The following SIN3A variants were observed in gnomAD, a reference collection of about 807,000 sequenced individuals.
SIN3A encodes SIN3 transcription regulator family member A, also known as paired amphipathic helix protein Sin3a.
A neutral mutation model predicts 146.1 loss-of-function variants in SIN3A; 14 were observed. The ratio of observed to expected loss-of-function variants is 0.10; its 90% CI spans 0.06 to 0.15. The LOEUF (loss-of-function observed/expected upper bound fraction) is 0.15. SIN3A is among the 10% of genes least tolerant of loss of function. The pLI is 1.00. For synonymous variants in SIN3A, 572 were observed against 572.0 expected (o/e 1.00, Z 0.00); for missense variants, 1,028 against 1,576.0 (o/e 0.65, Z 5.89).
intron 1 of SIN3A, among the ~76,000 whole-genome samples, chr15:75,442,175 A>C (rs1595929546): frequency 7.4e-6 from 1 of 135,680 alleles, no homozygotes; most frequent in Non-Finnish European, 1.6e-5. Context: ...TTTCATTTTT[A>C]CATAATTTTT....
chr15:75,398,722 C>T (rs907275221), intron 12 of SIN3A, among the ~76,000 whole-genome samples: 14 of 151,740 alleles, frequency 9.2e-5, no homozygotes, highest in Admixed American at 6.6e-5. Flanking sequence ...CAAAAGGAGC[C>T]AATCAGGCCA....
chr15:75,418,883 T>G (rs1227338562), intron 3 of SIN3A, among the ~76,000 whole-genome samples: 25 of 152,116 alleles, frequency 1.6e-4, no homozygotes, highest in Admixed American at 1.6e-3. Flanking sequence ...GCCTCCCAAG[T>G]AGCTGGGACT....
chr15:75,439,486 G>A lies in SIN3A; in HGVS notation c.-33-9078C>T, dbSNP rs1254724083. ...CTCCCAAGTAACTGGGACTACAGGC[G>A]CCTGCCACCACGCCTGGCTAATTTT... On this transcript the variant is annotated intron_variant, in intron 1 of 20. Transcript: ENST00000394947. 2.0e-5 allele frequency among the ~76,000 whole-genome samples: 3 copies of A among 151,822 alleles called. No homozygotes were observed. The East Asian group carries it at 5.8e-4, about 30-fold the overall frequency.
At chr15:75,430,557 G>T in intron 1 of SIN3A, 149 bp from the exon 2 acceptor site, 1 of 530,494 alleles carries the variant, frequency 1.9e-6, no homozygotes, top group Non-Finnish European at 3.2e-6. Context: ...AAGTGCATGT[G>T]GGCATACCAC....
chr15:75,441,082 T>G lies in SIN3A; in HGVS notation c.-34+10341A>C, dbSNP rs192179788. ...CAGTACTTTGGGAGGCCAAGTCGGGTAGATCACGTGAGGTGAGGAGCTCAA... is the reference window on the plus strand; with the variant it reads ...CAGTACTTTGGGAGGCCAAGTCGGGGAGATCACGTGAGGTGAGGAGCTCAA... On this transcript the variant is annotated intron_variant, in intron 1 of 20. Coordinates refer to ENST00000394947, the MANE Select transcript of SIN3A (RefSeq NM_001145358.2). 7.4e-3 allele frequency among the ~76,000 whole-genome samples: 1,093 copies of G among 148,486 alleles called. 11 individuals carry two copies. Among genetic ancestry groups the G allele is most frequent in the African/African-American group, 0.026 (1,044 of 39,946 alleles).
chr15:75,413,703 C>T (rs2073685476), intron 4 of SIN3A, among the ~76,000 whole-genome samples: 1 of 152,060 alleles, frequency 6.6e-6, no homozygotes, highest in Non-Finnish European at 1.5e-5. Context: ...GCCACCATGC[C>T]CGGCTAATTT....
chr15:75,419,490 T>C (rs2073803906), intron 3 of SIN3A: 1 of 152,076 alleles, frequency 6.6e-6, no homozygotes, highest in African/African-American at 2.4e-5. Flanking sequence ...AAAAAGGTAC[T>C]GAAAGTCACA....
chr15:75,373,561 CT>C (rs2072796247), intron 20 of SIN3A, among the ~76,000 whole-genome samples: 2 of 152,038 alleles, frequency 1.3e-5, no homozygotes, highest in Admixed American at 1.3e-4. Context: ...GTAAATGTAT[CT>C]TCTCTTGCTT....
At chr15:75,408,116 G>A (rs868301519) in intron 8 of SIN3A, among the ~76,000 whole-genome samples, 3 of 152,116 alleles carry the variant, frequency 2.0e-5, no homozygotes, top group South Asian at 2.1e-4. Flanking sequence ...CTTAAGAGCC[G>A]CAGCCTCTGC....
chr15:75,405,682 C>T (rs565869885), intron 9 of SIN3A, among the ~76,000 whole-genome samples: 2 of 151,856 alleles, frequency 1.3e-5, no homozygotes, highest in Non-Finnish European at 2.9e-5. Context: ...GCCAGGGAGG[C>T]GGAGGTTGCA....
At chr15:75,426,005 T>A (rs1212044381) in intron 2 of SIN3A, among the ~76,000 whole-genome samples, 1 of 152,246 alleles carries the variant, frequency 6.6e-6, no homozygotes, top group African/African-American at 2.4e-5. Flanking sequence ...AAAGCTCTAA[T>A]GTACCTCAAA....
intron 6 of SIN3A, among the ~76,000 whole-genome samples, 173 bp downstream of exon 6, chr15:75,411,319 C>G (rs1350451409): frequency 6.6e-6 from 1 of 152,188 alleles, no homozygotes. Context: ...CAGTGCAAGA[C>G]TCCGTCTCGA....
chr15:75,418,460 G>T lies in SIN3A; in HGVS notation c.367-4149C>A, dbSNP rs532158744. On this transcript the variant is annotated intron_variant, in intron 3 of 20. Transcript: ENST00000394947. ...CGTGCCTCAGCCTCCAGAGTAACTG[G>T]GATTACAGGTGCATGCCATCATGCC... Among the ~76,000 whole-genome samples the T allele has an allele frequency of 4.7e-4, 72 of 151,848 alleles. 2 individuals carry two copies. The highest frequency in any genetic ancestry group is 4.6e-3 in the South Asian group (22 of 4,808).
chr15:75,442,402 G>C (rs1004993132), intron 1 of SIN3A, among the ~76,000 whole-genome samples: 1 of 150,470 alleles, frequency 6.6e-6, no homozygotes, highest in Non-Finnish European at 1.5e-5. Flanking sequence ...CGAACGTCTG[G>C]GCTCAAGCGA....
At chr15:75,444,649 G>C (rs2074273142) in intron 1 of SIN3A, among the ~76,000 whole-genome samples, 3 of 152,002 alleles carry the variant, frequency 2.0e-5, no homozygotes, top group Admixed American at 2.0e-4. Flanking sequence ...TGGGCAGACT[G>C]CTTGAGCCCA....
chr15:75,440,609 C>T (rs561436247), intron 1 of SIN3A, among the ~76,000 whole-genome samples: 3 of 152,250 alleles, frequency 2.0e-5, no homozygotes, highest in East Asian at 3.9e-4. Context: ...GTGCAACATC[C>T]TTTAAAATGC....
intron 19 of SIN3A, among the ~76,000 whole-genome samples, chr15:75,377,496 G>T (rs549908899): frequency 6.6e-6 from 1 of 151,778 alleles, no homozygotes; most frequent in Admixed American, 6.6e-5. Context: ...GTGGTGGCGC[G>T]CACCTGTAAT....
Position 75,415,602 on chromosome 15 carries a change from A to T in SIN3A, c.367-1291T>A, listed in dbSNP as rs567597701. 133 of 171,286 alleles carry T rather than the reference A, an allele frequency of 7.8e-4. 1 individual carries two copies. The highest frequency in any genetic ancestry group is 2.2e-3 in the African/African-American group (93 of 41,758). The allele number at this position is 171,286 out of a possible 1,614,324, so 10.6% of individuals were successfully genotyped here. ...CGCAGTGGCTGACACCTGCAATCCCAGCACTTTCAGAGGCAGAGGTGGGAG... is the reference window on the plus strand; with the variant it reads ...CGCAGTGGCTGACACCTGCAATCCCTGCACTTTCAGAGGCAGAGGTGGGAG... On this transcript the variant is annotated intron_variant, in intron 3 of 20. Transcript: ENST00000394947.
intron 16 of SIN3A, among the ~76,000 whole-genome samples, chr15:75,387,717 G>A (rs2073117027): frequency 6.6e-6 from 1 of 151,768 alleles, no homozygotes; most frequent in Non-Finnish European, 1.5e-5. Context: ...TTTAAGCTGT[G>A]CTGGTGGTAT....
Sources: gnomAD v4.1 joint callset for allele counts (sites outside exome capture counted in the v4.1 genomes callset) on GRCh38, gnomAD v4.1.1 for gene constraint, MANE v1.5 for transcripts, NCBI Gene and HGNC (gene_info 2026-07-23, HGNC 2026-07-21) for gene names.